Variants in UGT2B7 observed in about 807,000 individuals in gnomAD.
UGT2B7 encodes UDP glucuronosyltransferase family 2 member B7.
Under a neutral mutation model 51.9 loss-of-function variants are expected in UGT2B7, and 51 were observed. That is an observed-to-expected ratio of 0.98 (90% CI 0.78 to 1.24). The LOEUF (loss-of-function observed/expected upper bound fraction) is 1.24, where lower values mean the gene tolerates loss of function less well. Ranked by LOEUF, UGT2B7 falls within the 50% of genes most tolerant of loss-of-function variation. The pLI is 0.00. For synonymous variants in UGT2B7, 225 were observed against 211.6 expected, an observed-to-expected ratio of 1.06 and a Z score of -0.55; for missense variants, 727 against 628.4, an observed-to-expected ratio of 1.16 and a Z score of -1.68.
intron 2 of UGT2B7, among the ~76,000 whole-genome samples, chr4:69,101,640 C>A (rs1719420518): frequency 1.0e-5 from 1 of 99,406 alleles, no homozygotes; most frequent in Admixed American, 1.2e-4. Context: ...GATTAAAAAT[C>A]ATATTTTAAA....
intron 1 of UGT2B7, among the ~76,000 whole-genome samples, chr4:69,082,357 A>G (rs772765630): frequency 3.3e-5 from 5 of 151,850 alleles, no homozygotes; most frequent in Non-Finnish European, 5.9e-5. Context: ...AGAAAGACTT[A>G]AAGTTAAGCC....
At chr4:69,062,095 A>G (rs1047030485) in intron 1 of UGT2B7, among the ~76,000 whole-genome samples, 2 of 152,288 alleles carry the variant, frequency 1.3e-5, no homozygotes, top group Admixed American at 6.5e-5. Context: ...CATCCAGTCT[A>G]CCAGCCTCAG....
chr4:69,074,094 C>T (rs1340127013), intron 1 of UGT2B7, among the ~76,000 whole-genome samples: 7 of 152,006 alleles, frequency 4.6e-5, no homozygotes, highest in Admixed American at 1.3e-4. Context: ...TCTGTAGTCC[C>T]AACACTTTGG....
chr4:69,112,551 C>G lies in UGT2B7; in HGVS notation c.1405C>G (p.Arg469Gly), dbSNP rs201354412. 6 of 1,613,882 alleles carry G rather than the reference C, an allele frequency of 3.7e-6. No individual in the cohort carries two copies. Among genetic ancestry groups the G allele is most frequent in the Non-Finnish European group, 5.1e-6 (6 of 1,179,856 alleles). The change falls in exon 6 of 6, where the codon CGC (arginine) becomes GGC (glycine). Residue 469 changes from arginine to glycine, a missense_variant. Physicochemically the swap from Arg to Gly is moderately radical, Grantham distance 125. Transcript: ENST00000305231. ...RAVFWIEFVM[R>G]HKGAKHLRVA... is the part of the protein sequence containing the mutation. Reference sequence around the variant, plus strand: ...AGTCTTCTGGATTGAATTTGTCATGCGCCACAAAGGAGCTAAACACCTTCG... The same window carrying G: ...AGTCTTCTGGATTGAATTTGTCATGGGCCACAAAGGAGCTAAACACCTTCG...
At chr4:69,064,019 GGAAAGAAA>G (rs71204072) in intron 1 of UGT2B7, among the ~76,000 whole-genome samples, 4,380 of 59,860 alleles carry the variant, frequency 0.073, 165 homozygotes, top group Non-Finnish European at 0.091. Flanking sequence ...AGATGAGATG[GGAAAGAAA>G]GAAAGAAAGA....
At chr4:69,098,717 G>T (rs764182720) in intron 2 of UGT2B7, 29 bp downstream of exon 2, 10 of 1,600,772 alleles carry the variant, frequency 6.2e-6, no homozygotes, top group Non-Finnish European at 8.5e-6. Flanking sequence ...GTTTTATTTT[G>T]TTGGCTTTGA....
At chr4:69,099,877 C>T (rs1051423014) in intron 2 of UGT2B7, among the ~76,000 whole-genome samples, 4 of 151,832 alleles carry the variant, frequency 2.6e-5, no homozygotes, top group Non-Finnish European at 5.9e-5. Flanking sequence ...TGACAGATAC[C>T]CTGTGGACTT....
chr4:69,082,248 T>C (rs1489604328), intron 1 of UGT2B7, among the ~76,000 whole-genome samples: 1 of 151,956 alleles, frequency 6.6e-6, no homozygotes, highest in Non-Finnish European at 1.5e-5. Context: ...TTAATAAACT[T>C]ACGAAGGTCC....
intron 5 of UGT2B7, among the ~76,000 whole-genome samples, chr4:69,111,681 T>A (rs1339225866): frequency 6.6e-6 from 1 of 152,162 alleles, no homozygotes; most frequent in Non-Finnish European, 1.5e-5. Context: ...CCCATAAATA[T>A]ATACACTTAA....
rs567288195 is a variant in UGT2B7 at position 69,109,978 on chromosome 4, GA to G, written c.1310+1664del. Among the ~76,000 whole-genome samples, 911 of 151,304 alleles carry G rather than the reference GA, an allele frequency of 6.0e-3. 35 individuals carry two copies. The highest frequency in any genetic ancestry group is 0.053 in the Admixed American group (802 of 15,202). On this transcript the variant is annotated intron_variant, in intron 5 of 5. Coordinates refer to ENST00000305231, the MANE Select transcript of UGT2B7 (RefSeq NM_001074.4). ...GAACACAAACCAGCTTGGACAAATA[GA>G]AAAAAAATATATAAAGCAAATTGGT...
chr4:69,074,938 G>A (rs1376607919), intron 1 of UGT2B7, among the ~76,000 whole-genome samples: 5 of 152,030 alleles, frequency 3.3e-5, no homozygotes, highest in Non-Finnish European at 7.4e-5. Flanking sequence ...AAGTTGAGTC[G>A]CTTATGATCA....
At chr4:69,109,977 A>G (rs563684055) in intron 5 of UGT2B7, among the ~76,000 whole-genome samples, 12 of 152,072 alleles carry the variant, frequency 7.9e-5, no homozygotes, top group African/African-American at 2.9e-4. Flanking sequence ...TTGGACAAAT[A>G]GAAAAAAAAT....
upstream of UGT2B7, among the ~76,000 whole-genome samples, chr4:69,092,977 AAC>A (rs1491288366): frequency 7.4e-5 from 11 of 149,458 alleles, no homozygotes; most frequent in Non-Finnish European, 1.5e-4. Flanking sequence ...AAAAAAAAAA[AAC>A]AATATTAATA....
intron 1 of UGT2B7, among the ~76,000 whole-genome samples, chr4:69,069,308 T>C (rs1344532432): frequency 1.3e-5 from 2 of 152,022 alleles, no homozygotes; most frequent in African/African-American, 4.8e-5. Context: ...TTTTGAAACT[T>C]GTATGCCAGG....
At position 69,060,634 on chromosome 4, in the gene UGT2B7, C is replaced by T. The variant is rs896941324; in HGVS notation, c.-159+9032C>T. ...ATTGTGGCATCACCCGGTGGCATAC[C>T]TATCCAGGCAATTGAATTCTGTGGC... On this transcript the variant is annotated intron_variant, in intron 1 of 5. Coordinates refer to the UGT2B7 transcript ENST00000502942. Among the ~76,000 whole-genome samples, 7 of 152,198 alleles carry T rather than the reference C, an allele frequency of 4.6e-5. No homozygotes were observed. The East Asian group carries it at 5.8e-4, about 13-fold the overall frequency.
intron 5 of UGT2B7, 138 bp from the exon 6 acceptor site, chr4:69,112,319 C>T: frequency 4.8e-6 from 6 of 1,243,838 alleles, no homozygotes; most frequent in Non-Finnish European, 6.6e-6. Context: ...ATTGCTCACT[C>T]AGGGAGTTCA....
At chr4:69,097,690 C>G (rs905766741) in intron 1 of UGT2B7, among the ~76,000 whole-genome samples, 17 of 151,894 alleles carry the variant, frequency 1.1e-4, no homozygotes, top group African/African-American at 3.6e-4. Flanking sequence ...AAAAGATGTT[C>G]CCATATTACC....
intron 1 of UGT2B7, among the ~76,000 whole-genome samples, chr4:69,054,209 T>C (rs1718121877): frequency 6.6e-6 from 1 of 151,288 alleles, no homozygotes; most frequent in African/African-American, 2.4e-5. Flanking sequence ...CTGTGAAGTC[T>C]GTGTGTCAGA....
intron 1 of UGT2B7, among the ~76,000 whole-genome samples, chr4:69,064,086 A>AAGAGAGAGAGAGAG (rs1560499729): frequency 2.0e-5 from 2 of 102,476 alleles, no homozygotes; most frequent in Non-Finnish European, 3.8e-5. Context: ...GAAAGAAAGA[A>AAGAGAGAGAGAGAG]AGAAAGAAAG....
Sources: allele counts gnomAD v4.1 joint callset (sites outside exome capture counted in the v4.1 genomes callset), GRCh38; gene constraint gnomAD v4.1.1; transcripts MANE v1.5; gene names NCBI Gene and HGNC (gene_info 2026-07-23, HGNC 2026-07-21).